GRID2: variants seen among roughly 807,000 people sequenced by gnomAD.
GRID2 encodes glutamate receptor ionotropic, delta-2.
GRID2 carries 33 observed loss-of-function variants against 114.8 expected under a neutral mutation model. The ratio of observed to expected loss-of-function variants is 0.29; its 90% CI spans 0.22 to 0.38. The LOEUF is 0.38. GRID2 is among the 10% of genes least tolerant of loss of function. The probability of loss-of-function intolerance (pLI) is 1.00; values close to 1 mark genes in which losing one functional copy is unlikely to be tolerated. For missense variants in GRID2, 1,184 were observed against 1,257.7 expected (o/e 0.94, Z 0.89); for synonymous variants, 505 against 449.9 (o/e 1.12, Z -1.55).
chr4:93,124,845 A>C (rs1734126541), intron 4 of GRID2, among the ~76,000 whole-genome samples: 1 of 152,174 alleles, frequency 6.6e-6, no homozygotes, highest in Non-Finnish European at 1.5e-5. Flanking sequence ...TTAGAATGAA[A>C]AAAATACCCT....
chr4:93,025,170 TAGA>T (rs963240116), intron 2 of GRID2, among the ~76,000 whole-genome samples: 2 of 151,040 alleles, frequency 1.3e-5, no homozygotes, highest in African/African-American at 4.8e-5. Flanking sequence ...GGAAGGGGGC[TAGA>T]AGGAGAAAAT....
chr4:93,124,089 T>G lies in GRID2; in HGVS notation c.735+13136T>G, dbSNP rs960858730. Among the ~76,000 whole-genome samples, 93 of 120,250 alleles carry G rather than the reference T, an allele frequency of 7.7e-4. 1 individual carries two copies. Among genetic ancestry groups the G allele is most frequent in the African/African-American group, 3.0e-3 (87 of 29,170 alleles). 78.9% of individuals were successfully genotyped at this position (120,250 alleles called of 152,430 possible). ...ACCTGCACAATGTGCACATGTACCC[T>G]AAAACTTAAAGTATAATAAAAAAAA... On this transcript the variant is annotated intron_variant, in intron 4 of 15. Coordinates refer to ENST00000282020, the MANE Select transcript of GRID2 (RefSeq NM_001510.4).
intron 13 of GRID2, among the ~76,000 whole-genome samples, chr4:93,526,392 C>T (rs1382695495): frequency 6.6e-6 from 1 of 152,144 alleles, no homozygotes; most frequent in Admixed American, 6.6e-5. Flanking sequence ...TCAGGCATTT[C>T]TTTATAGCTG....
intron 1 of GRID2, among the ~76,000 whole-genome samples, chr4:92,359,484 G>A (rs896056439): frequency 1.3e-5 from 2 of 151,944 alleles, no homozygotes; most frequent in African/African-American, 4.8e-5. Context: ...GTTTAAGGAT[G>A]TAATTCACAG....
At chr4:92,607,938 A>C (rs1729537312) in intron 2 of GRID2, among the ~76,000 whole-genome samples, 1 of 151,926 alleles carries the variant, frequency 6.6e-6, no homozygotes, top group African/African-American at 2.4e-5. Flanking sequence ...ACAAAATACA[A>C]AGTTCAGTAG....
At chr4:92,872,313 C>G (rs2149447467) in intron 2 of GRID2, among the ~76,000 whole-genome samples, 1 of 151,980 alleles carries the variant, frequency 6.6e-6, no homozygotes, top group African/African-American at 2.4e-5. Context: ...ATATAAATGG[C>G]AATTAGTTAA....
intron 2 of GRID2, among the ~76,000 whole-genome samples, chr4:93,008,813 G>A (rs193008468): frequency 1.0e-3 from 152 of 152,102 alleles, no homozygotes; most frequent in Non-Finnish European, 2.0e-3. Flanking sequence ...CCTTCCAAAT[G>A]AATCTCATTC....
At chr4:92,751,858 C>T (rs1737468999) in intron 2 of GRID2, among the ~76,000 whole-genome samples, 2 of 152,162 alleles carry the variant, frequency 1.3e-5, no homozygotes, top group Non-Finnish European at 2.9e-5. Flanking sequence ...ATCAAGGAGT[C>T]TAATCTGAAA....
intron 1 of GRID2, among the ~76,000 whole-genome samples, chr4:92,571,199 G>C (rs996901413): frequency 6.6e-6 from 1 of 152,082 alleles, no homozygotes; most frequent in African/African-American, 2.4e-5. Context: ...AATCTATTGA[G>C]ATAATCACAT....
intron 2 of GRID2, among the ~76,000 whole-genome samples, chr4:92,882,798 T>G (rs1251331913): frequency 6.6e-6 from 1 of 152,186 alleles, no homozygotes; most frequent in Non-Finnish European, 1.5e-5. Flanking sequence ...GTCTAAAAAA[T>G]GTACATATTT....
At chr4:92,710,923 G>A (rs1378924336) in intron 2 of GRID2, among the ~76,000 whole-genome samples, 2 of 151,010 alleles carry the variant, frequency 1.3e-5, no homozygotes, top group African/African-American at 4.9e-5. Flanking sequence ...TTCAGATTCA[G>A]TGTTTTTTTT....
chr4:92,984,961 C>T (rs1032980264), intron 2 of GRID2, among the ~76,000 whole-genome samples: 9 of 151,964 alleles, frequency 5.9e-5, no homozygotes, highest in Non-Finnish European at 1.3e-4. Flanking sequence ...AGTCTTATTA[C>T]TGATTGTATT....
rs536318645 is a variant in GRID2 at position 93,416,940 on chromosome 4, C to T, written c.1348-5831C>T. 3.4e-4 allele frequency among the ~76,000 whole-genome samples: 52 copies of T among 152,150 alleles called. No individual in the cohort carries two copies. In the South Asian group the frequency reaches 0.011, roughly 32 times the overall value. ...ACATTCTCTGAAAGCTTCGTTTGTT[C>T]CAGTTGCTGAGGCTTGTGCTTAGAG... is the stretch of plus-strand genomic sequence containing the variant. On this transcript the variant is annotated intron_variant, in intron 9 of 15. Transcript: ENST00000282020.
intron 2 of GRID2, among the ~76,000 whole-genome samples, chr4:92,741,717 A>G (rs182272395): frequency 6.6e-6 from 1 of 152,294 alleles, no homozygotes; most frequent in African/African-American, 2.4e-5. Flanking sequence ...ATGTTTTCAA[A>G]CAAAAACTTT....
chr4:92,953,549 A>C (rs1752175969), intron 2 of GRID2, among the ~76,000 whole-genome samples: 1 of 152,116 alleles, frequency 6.6e-6, no homozygotes, highest in South Asian at 2.1e-4. Flanking sequence ...TTTGTTCATG[A>C]CGGGCATAGT....
chr4:92,740,637 C>T (rs1217283267), intron 2 of GRID2, among the ~76,000 whole-genome samples: 3 of 151,928 alleles, frequency 2.0e-5, no homozygotes, highest in East Asian at 3.9e-4. Context: ...ACTAAATTTT[C>T]TCACTCATAA....
intron 2 of GRID2, among the ~76,000 whole-genome samples, chr4:92,983,569 A>G (rs963958444): frequency 6.6e-6 from 1 of 152,118 alleles, no homozygotes; most frequent in Admixed American, 6.6e-5. Context: ...AACATATAGT[A>G]TATGATTATG....
chr4:92,341,347 T>G (rs1315553062), intron 1 of GRID2, among the ~76,000 whole-genome samples: 1 of 152,140 alleles, frequency 6.6e-6, no homozygotes, highest in African/African-American at 2.4e-5. Flanking sequence ...CTTGCTAGTT[T>G]AGATTCCTAC....
chr4:92,315,288 T>C (rs1725908668), intron 1 of GRID2, among the ~76,000 whole-genome samples: 5 of 152,216 alleles, frequency 3.3e-5, no homozygotes, highest in African/African-American at 9.6e-5. Context: ...AGATGGTTGT[T>C]TCTGCTCTGA....
Sources: allele counts gnomAD v4.1 joint callset (sites outside exome capture counted in the v4.1 genomes callset), GRCh38; gene constraint gnomAD v4.1.1; transcripts MANE v1.5; gene names NCBI Gene and HGNC (gene_info 2026-07-23, HGNC 2026-07-21).